Variants in GRID2 observed in about 807,000 individuals in gnomAD.
GRID2 encodes glutamate receptor ionotropic, delta-2.
A neutral mutation model predicts 114.8 loss-of-function variants in GRID2; 33 were observed. The ratio of observed to expected loss-of-function variants is 0.29; its 90% CI spans 0.22 to 0.38. The LOEUF (loss-of-function observed/expected upper bound fraction) is 0.38, where lower values mean the gene tolerates loss of function less well. GRID2 is among the 10% of genes least tolerant of loss of function. The probability of loss-of-function intolerance (pLI) is 1.00; values close to 1 mark genes in which losing one functional copy is unlikely to be tolerated. For synonymous variants in GRID2, 505 were observed against 449.9 expected (o/e 1.12, Z -1.55); for missense variants, 1,184 against 1,257.7 (o/e 0.94, Z 0.89).
At chr4:92,655,202 A>G (rs1732167437) in intron 2 of GRID2, among the ~76,000 whole-genome samples, 1 of 151,848 alleles carries the variant, frequency 6.6e-6, no homozygotes, top group Non-Finnish European at 1.5e-5. Flanking sequence ...GTTGGCGTAA[A>G]TATGTGGGTT....
chr4:93,385,512 T>G (rs1365923574), intron 8 of GRID2, among the ~76,000 whole-genome samples: 1 of 152,178 alleles, frequency 6.6e-6, no homozygotes, highest in Non-Finnish European at 1.5e-5. Context: ...ATTTTCATTG[T>G]GTGTGAATTG....
At chr4:92,673,268 T>A (rs946820323) in intron 2 of GRID2, among the ~76,000 whole-genome samples, 16 of 152,158 alleles carry the variant, frequency 1.1e-4, no homozygotes, top group African/African-American at 3.9e-4. Flanking sequence ...ATATACCACA[T>A]CATCTATGCT....
intron 8 of GRID2, among the ~76,000 whole-genome samples, chr4:93,247,386 C>T (rs1438489735): frequency 6.6e-6 from 1 of 152,116 alleles, no homozygotes; most frequent in Non-Finnish European, 1.5e-5. Flanking sequence ...GGATAGGCAT[C>T]ATCCAATCTG....
intron 8 of GRID2, among the ~76,000 whole-genome samples, chr4:93,364,964 A>G (rs1762201237): frequency 6.6e-6 from 1 of 152,180 alleles, no homozygotes; most frequent in African/African-American, 2.4e-5. Context: ...TGTTATTTTT[A>G]TTCTGCAGTA....
chr4:92,327,940 C>T (rs183125382), intron 1 of GRID2, among the ~76,000 whole-genome samples: 4 of 151,858 alleles, frequency 2.6e-5, no homozygotes, highest in South Asian at 2.1e-4. Context: ...TAAGATGATG[C>T]GCTGTGTTAA....
intron 1 of GRID2, among the ~76,000 whole-genome samples, chr4:92,585,751 C>A (rs1435652674): frequency 6.6e-6 from 1 of 151,730 alleles, no homozygotes; most frequent in Non-Finnish European, 1.5e-5. Flanking sequence ...AATGTTTACT[C>A]CACTTGCCTC....
At chr4:92,766,166 A>G (rs1444672085) in intron 2 of GRID2, among the ~76,000 whole-genome samples, 1 of 152,180 alleles carries the variant, frequency 6.6e-6, no homozygotes, top group Non-Finnish European at 1.5e-5. Flanking sequence ...TTAAAATGAC[A>G]TTAGTCAAAT....
chr4:92,714,305 G>A (rs1735423415), intron 2 of GRID2, among the ~76,000 whole-genome samples: 1 of 152,164 alleles, frequency 6.6e-6, no homozygotes, highest in East Asian at 1.9e-4. Context: ...CACAGTCTTG[G>A]GGGCTGCCAC....
At chr4:92,442,758 T>C (rs911636080) in intron 1 of GRID2, among the ~76,000 whole-genome samples, 45 of 152,294 alleles carry the variant, frequency 3.0e-4, no homozygotes, top group Admixed American at 2.6e-4. Flanking sequence ...TGAACTGGGC[T>C]GGATTTTTAT....
chr4:93,443,488 G>T (rs769179320), intron 10 of GRID2, among the ~76,000 whole-genome samples: 2 of 151,820 alleles, frequency 1.3e-5, no homozygotes, highest in Non-Finnish European at 2.9e-5. Flanking sequence ...GAAACCATAA[G>T]GCAAAAAGTT....
chr4:92,511,493 C>G (rs1724249039), intron 1 of GRID2, among the ~76,000 whole-genome samples: 1 of 151,780 alleles, frequency 6.6e-6, no homozygotes, highest in Non-Finnish European at 1.5e-5. Context: ...TGAAAGGGGT[C>G]ACTATTAGTT....
chr4:92,535,985 T>A (rs540408548), intron 1 of GRID2, among the ~76,000 whole-genome samples: 28 of 151,992 alleles, frequency 1.8e-4, no homozygotes, highest in African/African-American at 6.5e-4. Context: ...TCGTGGTGAG[T>A]GTTATAGCTC....
intron 8 of GRID2, 67 bp downstream of exon 8, chr4:93,238,557 G>T (rs1224840296): frequency 2.1e-6 from 3 of 1,400,984 alleles, no homozygotes; most frequent in Admixed American, 1.8e-5. Context: ...TGTTTTCCAT[G>T]CAGTATGATC....
At chr4:92,345,911 CA>C (rs1225237199) in intron 1 of GRID2, among the ~76,000 whole-genome samples, 1 of 152,130 alleles carries the variant, frequency 6.6e-6, no homozygotes, top group Non-Finnish European at 1.5e-5. Flanking sequence ...TTTTAGTATA[CA>C]AATGATACAA....
intron 13 of GRID2, among the ~76,000 whole-genome samples, chr4:93,564,657 C>T (rs577833506): frequency 1.3e-5 from 2 of 151,952 alleles, no homozygotes; most frequent in African/African-American, 4.8e-5. Context: ...CCATGCTGTA[C>T]TTTATGTATT....
chr4:93,103,355 A>G (rs747271527), intron 3 of GRID2, among the ~76,000 whole-genome samples: 3 of 152,038 alleles, frequency 2.0e-5, no homozygotes, highest in Non-Finnish European at 4.4e-5. Context: ...TCTCTACCCC[A>G]GAGTCGGCTT....
chr4:92,338,889 G>T (rs570593961), intron 1 of GRID2, among the ~76,000 whole-genome samples: 21 of 152,094 alleles, frequency 1.4e-4, no homozygotes, highest in African/African-American at 4.6e-4. Flanking sequence ...GTAAAATGCT[G>T]TTGGACACTC....
chr4:93,582,203 G>C (rs898825441), intron 13 of GRID2, among the ~76,000 whole-genome samples: 8 of 152,004 alleles, frequency 5.3e-5, no homozygotes, highest in Admixed American at 1.3e-4. Flanking sequence ...GCTCCTACAA[G>C]TCACCTACAT....
rs2149404872 is a variant in GRID2 at position 93,158,619 on chromosome 4, A to G, written c.735+47666A>G. Among the ~76,000 whole-genome samples the G allele has an allele frequency of 1.3e-5, 2 of 151,908 alleles. 1 individual carries two copies. The highest frequency in any genetic ancestry group is 4.1e-4 in the South Asian group (2 of 4,822). ...ACTCCTTTGTTAAATAAATGATTTT[A>G]AAACCACACACACACACAAATACCT... On this transcript the variant is annotated intron_variant, in intron 4 of 15. Transcript: ENST00000282020.
Sources: gnomAD v4.1 joint callset for allele counts (sites outside exome capture counted in the v4.1 genomes callset) on GRCh38, gnomAD v4.1.1 for gene constraint, MANE v1.5 for transcripts, NCBI Gene and HGNC (gene_info 2026-07-23, HGNC 2026-07-21) for gene names.